Variants in MLLT3 observed in about 807,000 individuals in gnomAD.
MLLT3 encodes the protein MLLT3 super elongation complex subunit, also known as protein AF-9.
In MLLT3, 4 loss-of-function variants were observed where a neutral mutation model predicts 53.2. The observed-to-expected ratio is 0.08, with a 90% CI of 0.04 to 0.17. The LOEUF (loss-of-function observed/expected upper bound fraction) is 0.17, where lower values mean the gene tolerates loss of function less well. Among genes scored for constraint, MLLT3 ranks in the 10% least tolerant of loss-of-function variants. The pLI, the probability that MLLT3 is intolerant of heterozygous loss-of-function variation, is 1.00. For missense variants in MLLT3, 569 were observed against 684.0 expected (o/e 0.83, Z 1.87); for synonymous variants, 283 against 230.6 (o/e 1.23, Z -2.06).
chr9:20,505,032 C>G (rs966234333), intron 2 of MLLT3, among the ~76,000 whole-genome samples: 31 of 152,176 alleles, frequency 2.0e-4, no homozygotes, highest in African/African-American at 7.5e-4. Context: ...AGTCAAAAGA[C>G]ATGAAGTGAA....
At chr9:20,397,507 CATGTAGGGCCCT>C (rs1822352759) in intron 5 of MLLT3, among the ~76,000 whole-genome samples, 1 of 152,082 alleles carries the variant, frequency 6.6e-6, no homozygotes, top group African/African-American at 2.4e-5. Flanking sequence ...GACTGCGGAA[CATGTAGGGCCCT>C]ATAAAAGCTG....
chr9:20,346,320 C>A lies in MLLT3; in HGVS notation c.*123G>T, dbSNP rs1423737780. The A allele has an allele frequency of 1.0e-5, 10 of 986,572 alleles. No individual in the cohort carries two copies. In the African/African-American group the frequency reaches 1.7e-4, roughly 17 times the overall value. The allele number at this position is 986,572 out of a possible 1,614,324, so 61.1% of individuals were successfully genotyped here. A position where few individuals can be genotyped will look rare whatever the true frequency, so the allele number is the denominator to read the frequency against. ...AGGTTGTTTGATTTTTATTTTTTCC[C>A]TTTTGGTTGCATCATTTTGAGTGTT... On this transcript the variant is annotated 3_prime_UTR_variant, in exon 11 of 11. Coordinates refer to ENST00000380338, the MANE Select transcript of MLLT3 (RefSeq NM_004529.4).
At chr9:20,598,473 C>A (rs1820332992) in intron 2 of MLLT3, among the ~76,000 whole-genome samples, 1 of 152,172 alleles carries the variant, frequency 6.6e-6, no homozygotes, top group Non-Finnish European at 1.5e-5. Context: ...ATTTCCATCC[C>A]ACCCCAATAA....
chr9:20,612,439 A>G (rs1455487014), intron 2 of MLLT3, among the ~76,000 whole-genome samples: 5 of 152,200 alleles, frequency 3.3e-5, no homozygotes, highest in Admixed American at 3.3e-4. Context: ...AAATTCTTAA[A>G]TAAGACCCTA....
intron 2 of MLLT3, among the ~76,000 whole-genome samples, chr9:20,501,011 C>T (rs1372139779): frequency 6.6e-6 from 1 of 152,196 alleles, no homozygotes; most frequent in East Asian, 1.9e-4. Flanking sequence ...ATAAAACACA[C>T]AGATACACAC....
rs115883285 is a variant in MLLT3 at position 20,452,663 on chromosome 9, T to C, written c.276+4041A>G. 5.1e-3 allele frequency among the ~76,000 whole-genome samples: 782 copies of C among 152,276 alleles called. 8 individuals are homozygous for C. The highest frequency in any genetic ancestry group is 0.017 in the African/African-American group (713 of 41,550). ...ACACTCTGAAGCAAGAGCCTAGACC[T>C]ATTAAATTTTTACCAATGGATCATT... On this transcript the variant is annotated intron_variant, in intron 3 of 10. Transcript: ENST00000380338.
At chr9:20,537,155 A>G (rs1056773882) in intron 2 of MLLT3, among the ~76,000 whole-genome samples, 1 of 152,230 alleles carries the variant, frequency 6.6e-6, no homozygotes, top group African/African-American at 2.4e-5. Context: ...TTAACTACAG[A>G]TATTTAAAAT....
intron 2 of MLLT3, among the ~76,000 whole-genome samples, chr9:20,459,834 A>G (rs1268756083): frequency 6.6e-6 from 1 of 152,194 alleles, no homozygotes; most frequent in Non-Finnish European, 1.5e-5. Context: ...AAATGCAACA[A>G]TTTCATCAAT....
chr9:20,482,623 T>C (rs867131134), intron 2 of MLLT3, among the ~76,000 whole-genome samples: 7 of 152,196 alleles, frequency 4.6e-5, no homozygotes, highest in Middle Eastern at 3.2e-3. Flanking sequence ...TCCTACCTAA[T>C]ACCAGCCAGG....
intron 2 of MLLT3, among the ~76,000 whole-genome samples, chr9:20,520,371 A>G (rs932690093): frequency 6.6e-6 from 1 of 152,136 alleles, no homozygotes; most frequent in Non-Finnish European, 1.5e-5. Context: ...AAAAAAAAGA[A>G]TATCACTGAG....
intron 5 of MLLT3, among the ~76,000 whole-genome samples, chr9:20,370,140 T>C (rs755821815): frequency 1.3e-5 from 2 of 152,242 alleles, no homozygotes; most frequent in Non-Finnish European, 2.9e-5. Context: ...GTGATAAAAG[T>C]ATAGACATCC....
In MLLT3 at chr9:20,391,382, C is replaced by G. The variant is rs533973654; in HGVS notation, c.1125+22339G>C. 6.6e-5 allele frequency among the ~76,000 whole-genome samples: 10 copies of G among 152,256 alleles called. No homozygotes were observed. In the South Asian group the frequency reaches 2.1e-3, roughly 32 times the overall value. The stretch of plus-strand genomic sequence containing the variant: ...AACAAGGTAAACAAGATAAGGTAAA[C>G]AAGGTAGTAACCCAGGGGGAACTGT... On this transcript the variant is annotated intron_variant, in intron 5 of 10. Transcript: ENST00000380338.
At chr9:20,473,280 T>A (rs1824439592) in intron 2 of MLLT3, among the ~76,000 whole-genome samples, 1 of 152,154 alleles carries the variant, frequency 6.6e-6, no homozygotes, top group South Asian at 2.1e-4. Flanking sequence ...CTCATCTGAA[T>A]AATTACATCG....
chr9:20,517,430 C>T (rs1817942275), intron 2 of MLLT3, among the ~76,000 whole-genome samples: 1 of 150,482 alleles, frequency 6.6e-6, no homozygotes, highest in African/African-American at 2.5e-5. Context: ...TAGGGTCAGC[C>T]TAGTGACAGA....
chr9:20,365,900 G>C (rs911660608), intron 5 of MLLT3, among the ~76,000 whole-genome samples, 156 bp from the exon 6 acceptor site: 2 of 152,184 alleles, frequency 1.3e-5, no homozygotes, highest in African/African-American at 4.8e-5. Flanking sequence ...GTTGTCTTTT[G>C]TTGTGCCCAC....
chr9:20,589,327 C>T (rs566490190), intron 2 of MLLT3, among the ~76,000 whole-genome samples: 7 of 151,056 alleles, frequency 4.6e-5, no homozygotes, highest in African/African-American at 1.5e-4. Flanking sequence ...AGTAAACTAT[C>T]GCAAGAACAA....
Position 20,346,312 on chromosome 9 carries a change from T to C in MLLT3, c.*131A>G. ...AAAGCTGAAGGTTGTTTGATTTTTA[T>C]TTTTTCCCTTTTGGTTGCATCATTT... On this transcript the variant is annotated 3_prime_UTR_variant, in exon 11 of 11. Coordinates refer to ENST00000380338, the MANE Select transcript of MLLT3 (RefSeq NM_004529.4). The C allele has an allele frequency of 1.1e-6, 1 of 945,910 alleles. No individual in the cohort carries two copies. The highest frequency in any genetic ancestry group is 1.5e-6 in the Non-Finnish European group (1 of 665,256). 58.6% of individuals were successfully genotyped at this position (945,910 alleles called of 1,614,324 possible). A position where few individuals can be genotyped will look rare whatever the true frequency, so the allele number is the denominator to read the frequency against.
chr9:20,432,696 T>C (rs1274505710), intron 4 of MLLT3, among the ~76,000 whole-genome samples: 1 of 152,108 alleles, frequency 6.6e-6, no homozygotes, highest in East Asian at 1.9e-4. Context: ...AACAACAGTT[T>C]AAAAGTGCAA....
intron 2 of MLLT3, among the ~76,000 whole-genome samples, chr9:20,474,947 C>G (rs1824484367): frequency 6.6e-6 from 1 of 152,002 alleles, no homozygotes; most frequent in South Asian, 2.1e-4. Context: ...CAGGAGTAAA[C>G]TAGAGTAACT....
Sources: gnomAD v4.1 joint callset for allele counts (sites outside exome capture counted in the v4.1 genomes callset) on GRCh38, gnomAD v4.1.1 for gene constraint, MANE v1.5 for transcripts, NCBI Gene and HGNC (gene_info 2026-07-23, HGNC 2026-07-21) for gene names.